Variants in TMEM108 observed in about 807,000 individuals in gnomAD.
TMEM108 encodes the protein transmembrane protein 108, also known as cancer/testis antigen 124.
In TMEM108, 12 loss-of-function variants were observed where a neutral mutation model predicts 35.1. That is an observed-to-expected ratio of 0.34 (90% CI 0.22 to 0.55). The LOEUF (loss-of-function observed/expected upper bound fraction) is 0.55, where lower values mean the gene tolerates loss of function less well. TMEM108 is among the 20% of genes least tolerant of loss of function. The pLI, the probability that TMEM108 is intolerant of heterozygous loss-of-function variation, is 0.89. For missense variants in TMEM108, 680 were observed against 753.3 expected (o/e 0.90, Z 1.14); for synonymous variants, 287 against 308.6 (o/e 0.93, Z 0.73).
chr3:133,174,530 G>C (rs146563797), intron 2 of TMEM108, among the ~76,000 whole-genome samples: 9 of 152,192 alleles, frequency 5.9e-5, no homozygotes, highest in Non-Finnish European at 1.2e-4. Flanking sequence ...AATATCCGCT[G>C]TTGTGCAGCC....
intron 4 of TMEM108, chr3:133,388,537 G>A (rs1407432087): frequency 2.0e-6 from 2 of 985,272 alleles, no homozygotes; most frequent in African/African-American, 1.7e-5. Context: ...TTCTGTACCA[G>A]CTAATCTCTC....
In TMEM108 at chr3:133,147,628, CT is replaced by C. The variant is rs1462738993; in HGVS notation, c.-46-81637del. On this transcript the variant is annotated intron_variant, in intron 2 of 5. Transcript: ENST00000321871. ...AAAAATATTGGCAACTTTCTTAACC[CT>C]CTTGAGCCTCAGGTTTCCCACCTGT... Among the ~76,000 whole-genome samples, 3 of 152,118 alleles carry C rather than the reference CT, an allele frequency of 2.0e-5. No homozygotes were observed. In the East Asian group the frequency reaches 5.8e-4, roughly 29 times the overall value.
chr3:133,175,876 C>A (rs368995955), intron 2 of TMEM108, among the ~76,000 whole-genome samples: 1,986 of 152,218 alleles, frequency 0.013, 19 homozygotes, highest in South Asian at 0.02. Context: ...CACAGACTGG[C>A]AAATTGGATA....
rs538921541 is a variant in TMEM108, at chr3:133,144,774, G to T, written c.-46-84492G>T. Among the ~76,000 whole-genome samples, 65 of 152,272 alleles carry T rather than the reference G, an allele frequency of 4.3e-4. 1 individual carries two copies. The highest frequency in any genetic ancestry group is 1.5e-3 in the African/African-American group (63 of 41,544). On this transcript the variant is annotated intron_variant, in intron 2 of 5. Transcript: ENST00000321871. ...GCTGCATAAATGTCTTCTTTTAGAA[G>T]TGTCTGTTCATGTCCTTCGCCCACT...
chr3:133,137,301 C>A (rs1449692347), intron 2 of TMEM108, among the ~76,000 whole-genome samples: 1 of 152,192 alleles, frequency 6.6e-6, no homozygotes, highest in African/African-American at 2.4e-5. Flanking sequence ...CGTTCAAACC[C>A]AGTGTAATTG....
chr3:133,054,954 GCTT>G (rs1943449680), intron 2 of TMEM108, among the ~76,000 whole-genome samples: 3 of 152,176 alleles, frequency 2.0e-5, no homozygotes, highest in Non-Finnish European at 4.4e-5. Context: ...ATTCAGCAGG[GCTT>G]CTTCAACTGC....
intron 2 of TMEM108, among the ~76,000 whole-genome samples, chr3:133,114,358 C>G (rs1944262539): frequency 6.6e-6 from 1 of 152,114 alleles, no homozygotes; most frequent in Non-Finnish European, 1.5e-5. Flanking sequence ...TATTTTATCC[C>G]ACATCTCATC....
intron 2 of TMEM108, among the ~76,000 whole-genome samples, chr3:133,215,601 A>G (rs1053544315): frequency 6.6e-6 from 1 of 152,090 alleles, no homozygotes; most frequent in Non-Finnish European, 1.5e-5. Context: ...TGCCTGTTAT[A>G]AGTTGAAGAG....
At chr3:133,237,176 C>G (rs1946250915) in intron 3 of TMEM108, among the ~76,000 whole-genome samples, 1 of 151,900 alleles carries the variant, frequency 6.6e-6, no homozygotes, top group African/African-American at 2.4e-5. Flanking sequence ...TTTTGTCCAG[C>G]TAACACCAGA....
intron 2 of TMEM108, among the ~76,000 whole-genome samples, chr3:133,047,347 A>G (rs2107672469): frequency 6.6e-6 from 1 of 152,308 alleles, no homozygotes; most frequent in East Asian, 1.9e-4. Flanking sequence ...AAGTAACTAA[A>G]AAGTATAGCA....
At chr3:133,281,263 G>A (rs928623914) in intron 3 of TMEM108, among the ~76,000 whole-genome samples, 6 of 152,148 alleles carry the variant, frequency 3.9e-5, no homozygotes, top group African/African-American at 1.4e-4. Context: ...AGATCAAAGC[G>A]GGAAAATGAG....
chr3:133,376,832 T>G (rs1357127683), intron 3 of TMEM108, among the ~76,000 whole-genome samples: 2 of 152,208 alleles, frequency 1.3e-5, no homozygotes, highest in African/African-American at 4.8e-5. Context: ...CTCTCCTTTT[T>G]CAGAGGATCT....
chr3:133,315,285 G>T lies in TMEM108; in HGVS notation c.41-64467G>T, dbSNP rs564734482. 1.8e-3 allele frequency among the ~76,000 whole-genome samples: 275 copies of T among 152,250 alleles called. 1 individual carries two copies. The highest frequency in any genetic ancestry group is 2.4e-3 in the Non-Finnish European group (166 of 68,018). The stretch of plus-strand genomic sequence containing the variant: ...TCACATAGCAATTGATAGGTGACCC[G>T]CAATAAAGAGAAGCCGCTCAGAGCT... On this transcript the variant is annotated intron_variant, in intron 3 of 5. Coordinates refer to ENST00000321871, the MANE Select transcript of TMEM108 (RefSeq NM_023943.4).
chr3:133,364,491 A>G (rs1313601704), intron 3 of TMEM108, among the ~76,000 whole-genome samples: 1 of 152,210 alleles, frequency 6.6e-6, no homozygotes, highest in African/African-American at 2.4e-5. Flanking sequence ...TAAATTTGAA[A>G]TCGCCTAGTC....
chr3:133,135,849 T>C (rs1481310472), intron 2 of TMEM108, among the ~76,000 whole-genome samples: 1 of 152,142 alleles, frequency 6.6e-6, no homozygotes, highest in East Asian at 1.9e-4. Flanking sequence ...GGAGTGCTCT[T>C]GTTTGGGAGT....
In TMEM108 at chr3:133,380,585, A is replaced by T; in HGVS notation, c.874A>T (p.Thr292Ser). 6.2e-7 allele frequency: 1 copy of T among 1,612,786 alleles called. No homozygotes were observed. The highest frequency in any genetic ancestry group is 8.5e-7 in the Non-Finnish European group (1 of 1,179,382). Residue 292 changes from threonine to serine, a missense_variant, in exon 4 of 6, where the codon ACC becomes TCC. Thr to Ser is a moderately conservative substitution (Grantham distance 58). This residue lies in a region of TMEM108 where 526 missense variants were observed against 532.1 expected (regional missense o/e 0.99). Transcript: ENST00000321871. The surrounding 1 kb of genome is among the most constrained non-coding windows in gnomAD (Gnocchi z 5.3). Reference sequence around the variant, plus strand: ...AGCCCAGGGGGGTGGTTCTACCTTCACCAGCCAAGGAGGGACACCAGATGC... The same window carrying T: ...AGCCCAGGGGGGTGGTTCTACCTTCTCCAGCCAAGGAGGGACACCAGATGC... The part of the protein sequence containing the change: ...RAAQGGGSTF[T>S]SQGGTPDATA...
At chr3:133,117,891 TAA>T (rs1944306925) in intron 2 of TMEM108, among the ~76,000 whole-genome samples, 1 of 152,078 alleles carries the variant, frequency 6.6e-6, no homozygotes, top group Non-Finnish European at 1.5e-5. Context: ...AGCACCTGGG[TAA>T]GATTTGCAAC....
chr3:133,200,467 C>G (rs1219122672), intron 2 of TMEM108, among the ~76,000 whole-genome samples: 1 of 152,216 alleles, frequency 6.6e-6, no homozygotes, highest in Non-Finnish European at 1.5e-5. Context: ...AGCAGTCGTT[C>G]TCACAGTGGC....
intron 2 of TMEM108, among the ~76,000 whole-genome samples, chr3:133,164,996 G>A (rs1325701473): frequency 4.1e-5 from 2 of 48,438 alleles, no homozygotes; most frequent in Non-Finnish European, 8.7e-5. Flanking sequence ...CAGTAACAAA[G>A]TATAAACACT....
Sources: allele counts gnomAD v4.1 joint callset (sites outside exome capture counted in the v4.1 genomes callset), GRCh38; gene constraint gnomAD v4.1.1; regional missense constraint gnomAD v4.1.1; non-coding constraint Gnocchi (gnomAD v3.1); transcripts MANE v1.5; gene names NCBI Gene and HGNC (gene_info 2026-07-23, HGNC 2026-07-21).